Variants in USP37 observed in about 807,000 individuals in gnomAD.
USP37 encodes the protein ubiquitin specific peptidase 37.
A neutral mutation model predicts 124.0 loss-of-function variants in USP37; 27 were observed. The ratio of observed to expected loss-of-function variants is 0.22; its 90% CI spans 0.16 to 0.30. The LOEUF is 0.30. Ranked by LOEUF, USP37 falls within the 10% of genes least tolerant of loss-of-function variation. The pLI is 1.00. For missense variants in USP37, 889 were observed against 1,140.4 expected (o/e 0.78, Z 3.17); for synonymous variants, 365 against 388.0 (o/e 0.94, Z 0.70).
chr2:218,501,600 C>T (rs1208837037), intron 11 of USP37, among the ~76,000 whole-genome samples: 1 of 152,126 alleles, frequency 6.6e-6, no homozygotes, highest in East Asian at 1.9e-4. Flanking sequence ...TGATGTGAGT[C>T]CTACTATTAC....
intron 14 of USP37, among the ~76,000 whole-genome samples, chr2:218,489,815 G>C (rs189509896): frequency 2.0e-5 from 3 of 152,178 alleles, no homozygotes; most frequent in Non-Finnish European, 4.4e-5. Flanking sequence ...CAACACTATA[G>C]ATGTTCTGCC....
At chr2:218,468,170 G>A (rs1658680) in intron 20 of USP37, among the ~76,000 whole-genome samples, 150,619 of 152,080 alleles carry the variant, frequency 0.99, 74,602 homozygotes, top group Middle Eastern at 1. Context: ...ATTAACAGGC[G>A]TGAGCCACCA....
At chr2:218,455,361 T>C (rs763225956) in intron 25 of USP37, among the ~76,000 whole-genome samples, 1 of 152,194 alleles carries the variant, frequency 6.6e-6, no homozygotes, top group Non-Finnish European at 1.5e-5. Context: ...CATACCTAGA[T>C]ACAACTGTGT....
intron 8 of USP37, among the ~76,000 whole-genome samples, chr2:218,539,364 C>T (rs1691846492): frequency 6.6e-6 from 1 of 152,130 alleles, no homozygotes; most frequent in Admixed American, 6.5e-5. Context: ...TCCTTCTTCA[C>T]AATTTCATGG....
rs3835979 is a variant in USP37 at position 218,463,175 on chromosome 2, AACACACACACACACACACACACAC to A, written c.2527+107_2527+130del. On this transcript the variant is annotated intron_variant, in intron 22 of 25. Coordinates refer to ENST00000258399, the MANE Select transcript of USP37 (RefSeq NM_020935.3). ...GAGTGAGAGGCTCTCCCCCACAATA[AACACACACACACACACACACACAC>A]ACACACACACACACACACACACACA... 4,377 of 527,866 alleles carry A rather than the reference AACACACACACACACACACACACAC, an allele frequency of 8.3e-3. 36 individuals carry two copies. The highest frequency in any genetic ancestry group is 1.0e-2 in the African/African-American group (467 of 46,896). The allele number at this position is 527,866 out of a possible 1,614,324, so 32.7% of individuals were successfully genotyped here.
At position 218,459,787 on chromosome 2, in the gene USP37, T is replaced by C. The variant is rs766192124; in HGVS notation, c.2643+3A>G. On this transcript the variant is annotated splice_donor_region_variant and intron_variant, in intron 23 of 25. Transcript: ENST00000258399. ...AACTGTACTCAGGAATGAAAACAAT[T>C]ACCTCAGCATTTCTTTTCAGTTCCT... 99 of 1,611,072 alleles carry C rather than the reference T, an allele frequency of 6.1e-5. No individual in the cohort carries two copies. In the Admixed American group the frequency reaches 1.4e-3, roughly 23 times the overall value.
intron 10 of USP37, among the ~76,000 whole-genome samples, chr2:218,521,626 T>A (rs1553550858): frequency 6.6e-6 from 1 of 152,214 alleles, no homozygotes; most frequent in Non-Finnish European, 1.5e-5. Flanking sequence ...TTGCTGAGAA[T>A]GATGGCTTCT....
intron 8 of USP37, among the ~76,000 whole-genome samples, chr2:218,543,823 AAAAC>A (rs1574948060): frequency 6.9e-6 from 1 of 145,056 alleles, no homozygotes; most frequent in East Asian, 1.9e-4. Context: ...CAAAAAACAA[AAAAC>A]AAACAAAAAA....
At chr2:218,528,803 GAAAAAAAAAAAAAAAAAAAAAA>G (rs58650311) in intron 10 of USP37, 124 of 29,726 alleles carry the variant, frequency 4.2e-3, no homozygotes, top group Middle Eastern at 0.019. Context: ...CAATAAATCT[GAAAAAAAAAAAAAAAAAAAAAA>G]AAAAAAAAAA....
chr2:218,475,700 A>C (rs918054016), intron 19 of USP37, among the ~76,000 whole-genome samples: 9 of 152,214 alleles, frequency 5.9e-5, no homozygotes, highest in African/African-American at 2.2e-4. Flanking sequence ...ACTGCACTCC[A>C]GCCTGGGTGA....
At chr2:218,539,646 C>A (rs992938558) in intron 8 of USP37, among the ~76,000 whole-genome samples, 28 of 151,854 alleles carry the variant, frequency 1.8e-4, no homozygotes, top group Non-Finnish European at 3.1e-4. Context: ...GCCCGGGAGG[C>A]GGAGGTTGCA....
At chr2:218,457,269 C>A (rs2106403827) in intron 23 of USP37, 108 bp from the exon 24 acceptor site, 1 of 1,064,026 alleles carries the variant, frequency 9.4e-7, no homozygotes, top group Non-Finnish European at 1.4e-6. Flanking sequence ...TGGTATGTGG[C>A]ATAGTAAGAA....
Position 218,553,540 on chromosome 2 carries a change from G to C in USP37, c.328+13C>G. On this transcript the variant is annotated intron_variant, in intron 5 of 25. Coordinates refer to ENST00000258399, the MANE Select transcript of USP37 (RefSeq NM_020935.3). ...AAATACTAACGTTAGACCCTGGGGT[G>C]ATTAGTACTCACCTGCAGGAAGTCT... 6.2e-7 allele frequency: 1 copy of C among 1,606,922 alleles called. No individual in the cohort carries two copies. The highest frequency in any genetic ancestry group is 8.5e-7 in the Non-Finnish European group (1 of 1,175,980).
Position 218,553,694 on chromosome 2 carries a change from G to A in USP37, c.187C>T (p.Arg63Ter). Reference sequence around the variant, plus strand: ...CGGCTTTGTTTCGCTCCACTGGGTCGAAGCACCACATTTTTAATGTTATGA... The same window carrying A: ...CGGCTTTGTTTCGCTCCACTGGGTCAAAGCACCACATTTTTAATGTTATGA... ...LSHNIKNVVL[R>*]PSGAKQSRLM... Residue 63 changes from arginine (R) to a stop codon, truncating the protein, a stop_gained, in exon 5 of 26, where the codon CGA becomes TGA. Coordinates refer to ENST00000258399, the MANE Select transcript of USP37 (RefSeq NM_020935.3). LOFTEE classifies it high-confidence loss of function. 2 of 1,611,854 alleles carry A rather than the reference G, an allele frequency of 1.2e-6. No individual in the cohort carries two copies. Among genetic ancestry groups the A allele is most frequent in the Non-Finnish European group, 1.7e-6 (2 of 1,178,948 alleles).
At chr2:218,505,494 T>C (rs1402826070) in intron 11 of USP37, among the ~76,000 whole-genome samples, 3 of 152,354 alleles carry the variant, frequency 2.0e-5, no homozygotes, top group East Asian at 3.9e-4. Context: ...AATGTGTGTA[T>C]AGTATTCCAA....
intron 8 of USP37, among the ~76,000 whole-genome samples, chr2:218,538,019 T>C (rs995354723): frequency 7.2e-5 from 11 of 152,052 alleles, no homozygotes; most frequent in African/African-American, 2.4e-4. Context: ...CAGCAATTCA[T>C]CATAAAATGG....
intron 8 of USP37, among the ~76,000 whole-genome samples, chr2:218,544,420 T>TAGAGAGAG (rs1202551075): frequency 3.8e-4 from 20 of 53,316 alleles, no homozygotes; most frequent in Admixed American, 3.7e-3. Flanking sequence ...TATATATATA[T>TAGAGAGAG]ATATATATAT....
intron 12 of USP37, 51 bp from the exon 13 acceptor site, chr2:218,497,908 A>T: frequency 6.3e-7 from 1 of 1,589,996 alleles, no homozygotes; most frequent in Non-Finnish European, 8.5e-7. Flanking sequence ...ACATGGCGTG[A>T]TATTTTAAAG....
intron 20 of USP37, among the ~76,000 whole-genome samples, chr2:218,474,387 A>C (rs1285311080): frequency 1.3e-5 from 2 of 152,116 alleles, no homozygotes; most frequent in African/African-American, 4.8e-5. Flanking sequence ...TCTGAGAAGG[A>C]GTCTCACTCT....
Sources: gnomAD v4.1 joint callset for allele counts (sites outside exome capture counted in the v4.1 genomes callset) on GRCh38, gnomAD v4.1.1 for gene constraint, MANE v1.5 for transcripts, NCBI Gene and HGNC (gene_info 2026-07-23, HGNC 2026-07-21) for gene names.